The following ZMYND11 variants were observed in gnomAD, a reference collection of about 807,000 sequenced individuals.
ZMYND11 encodes zinc finger MYND-type containing 11, also known as zinc finger MYND domain-containing protein 11.
A neutral mutation model predicts 84.9 loss-of-function variants in ZMYND11; 9 were observed. That is an observed-to-expected ratio of 0.11 (90% CI 0.06 to 0.18). The LOEUF (loss-of-function observed/expected upper bound fraction) is 0.18. ZMYND11 is among the 10% of genes least tolerant of loss of function. The pLI is 1.00. For synonymous variants in ZMYND11, 250 were observed against 244.1 expected, an observed-to-expected ratio of 1.02 and a Z score of -0.23; for missense variants, 409 against 761.0, an observed-to-expected ratio of 0.54 and a Z score of 5.44.
intron 1 of ZMYND11, among the ~76,000 whole-genome samples, chr10:141,110 CTTAATA>C (rs2131136666): frequency 6.6e-6 from 1 of 152,240 alleles, no homozygotes; most frequent in South Asian, 2.1e-4. Flanking sequence ...TTTCTGTAAA[CTTAATA>C]TTTAGGTATA....
intron 2 of ZMYND11, among the ~76,000 whole-genome samples, chr10:206,901 A>T (rs551312342): frequency 1.3e-5 from 2 of 152,010 alleles, no homozygotes; most frequent in East Asian, 1.9e-4. Context: ...TGCAGGTTTC[A>T]TATGTATACA....
intron 1 of ZMYND11, among the ~76,000 whole-genome samples, chr10:142,824 A>T (rs17156179): frequency 0.02 from 3,023 of 152,294 alleles, 94 homozygotes; most frequent in African/African-American, 0.069. Context: ...GTTCTGGTTA[A>T]TGCCAACTCA....
In ZMYND11 at chr10:208,519, G is replaced by A. The variant is rs1588958471; in HGVS notation, c.117-1370G>A. On this transcript the variant is annotated intron_variant, in intron 2 of 14. Coordinates refer to ENST00000381604, the MANE Select transcript of ZMYND11 (RefSeq NM_001370100.5). ...ACACTTCTCAAAAGAAGACGTTTAT[G>A]CAGCCAAAAGACACATGAAAAAATG... 2.0e-5 allele frequency among the ~76,000 whole-genome samples: 3 copies of A among 152,240 alleles called. No homozygotes were observed. In the East Asian group the frequency reaches 5.8e-4, roughly 29 times the overall value.
At chr10:160,649 A>G (rs1195671377) in intron 1 of ZMYND11, among the ~76,000 whole-genome samples, 1 of 152,212 alleles carries the variant, frequency 6.6e-6, no homozygotes, top group African/African-American at 2.4e-5. Context: ...TTTATGGAAT[A>G]TTCTGAAACC....
Position 197,970 on chromosome 10 carries a change from T to A in ZMYND11, c.117-11919T>A, listed in dbSNP as rs1445115754. On this transcript the variant is annotated intron_variant, in intron 2 of 14. Transcript: ENST00000381604. Reference sequence around the variant, plus strand: ...TGATTTTTACATCATTACACAGATATGTCATTTTCATTAGTTGTATCATTG... The same window carrying A: ...TGATTTTTACATCATTACACAGATAAGTCATTTTCATTAGTTGTATCATTG... The A allele has an allele frequency of 4.6e-6, 3 of 656,658 alleles. No homozygotes were observed. The East Asian group carries it at 8.5e-5, about 19-fold the overall frequency. The allele number at this position is 656,658 out of a possible 1,614,324, so 40.7% of individuals were successfully genotyped here.
chr10:213,499 GC>G (rs1218754329), intron 3 of ZMYND11, among the ~76,000 whole-genome samples: 3 of 152,188 alleles, frequency 2.0e-5, no homozygotes, highest in Non-Finnish European at 4.4e-5. Flanking sequence ...GGAAGGGAAG[GC>G]ATAGGATGTT....
intron 2 of ZMYND11, among the ~76,000 whole-genome samples, chr10:196,465 T>G (rs1941774117): frequency 6.6e-6 from 1 of 152,172 alleles, no homozygotes; most frequent in Non-Finnish European, 1.5e-5. Flanking sequence ...AAATGGAAGT[T>G]TTTAAGATGT....
chr10:223,543 T>C (rs1422303798), intron 4 of ZMYND11, among the ~76,000 whole-genome samples: 4 of 152,184 alleles, frequency 2.6e-5, no homozygotes, highest in African/African-American at 9.6e-5. Context: ...AATTTTTCAT[T>C]CATTTTATGG....
chr10:179,403 C>G (rs1847361819), intron 1 of ZMYND11, among the ~76,000 whole-genome samples: 1 of 152,086 alleles, frequency 6.6e-6, no homozygotes, highest in Non-Finnish European at 1.5e-5. Flanking sequence ...AAACTTACAC[C>G]TAATCCAAGA....
intron 4 of ZMYND11, among the ~76,000 whole-genome samples, chr10:222,297 T>G (rs974641697): frequency 6.6e-6 from 1 of 152,208 alleles, no homozygotes; most frequent in Admixed American, 6.5e-5. Flanking sequence ...CAGTATATGT[T>G]CTAGTCTTCT....
upstream of ZMYND11, chr10:134,730 C>G (rs1405965503): frequency 1.3e-5 from 2 of 152,698 alleles, no homozygotes; most frequent in African/African-American, 4.8e-5. Flanking sequence ...CGGCGCCTGA[C>G]AATGCCCCCT....
chr10:216,108 T>G (rs948562393), intron 3 of ZMYND11, among the ~76,000 whole-genome samples: 5 of 152,194 alleles, frequency 3.3e-5, no homozygotes, highest in Non-Finnish European at 7.4e-5. Flanking sequence ...ATATTTCTCT[T>G]GAAATTTAGC....
At chr10:228,940 G>C (rs985953777) in intron 4 of ZMYND11, among the ~76,000 whole-genome samples, 3 of 152,054 alleles carry the variant, frequency 2.0e-5, no homozygotes, top group Non-Finnish European at 4.4e-5. Context: ...ATTTTAGCAG[G>C]TGTGTGTGTG....
rs755684745 is a variant in ZMYND11 at position 242,156 on chromosome 10, T to C, written c.950+17T>C. 1 of 1,613,946 alleles carries C rather than the reference T, an allele frequency of 6.2e-7. No homozygotes were observed. The highest frequency in any genetic ancestry group is 8.5e-7 in the Non-Finnish European group (1 of 1,179,882). On this transcript the variant is annotated intron_variant, in intron 10 of 14. Coordinates refer to ENST00000381604, the MANE Select transcript of ZMYND11 (RefSeq NM_001370100.5). ...CCACCAGAGGTAATTTGTGATCCCATGTTCAGCGGTCACAGCTGTGCTTAT... is the reference window on the plus strand; with the variant it reads ...CCACCAGAGGTAATTTGTGATCCCACGTTCAGCGGTCACAGCTGTGCTTAT...
chr10:185,904 A>C (rs927869015), intron 2 of ZMYND11, among the ~76,000 whole-genome samples: 10 of 152,298 alleles, frequency 6.6e-5, no homozygotes, highest in East Asian at 5.8e-4. Flanking sequence ...CCAAAAGCAA[A>C]TAATTCCTTC....
At chr10:251,356 ACT>A (rs1247419956) in intron 14 of ZMYND11, among the ~76,000 whole-genome samples, 1 of 152,048 alleles carries the variant, frequency 6.6e-6, no homozygotes, top group Non-Finnish European at 1.5e-5. Context: ...TCCAAAACTG[ACT>A]CTGCACCTAA....
chr10:212,535 CAG>C (rs1346062993), intron 3 of ZMYND11, among the ~76,000 whole-genome samples: 1 of 150,728 alleles, frequency 6.6e-6, no homozygotes, highest in Non-Finnish European at 1.5e-5. Context: ...CACAAATAAA[CAG>C]GGGTTTCAGA....
At chr10:151,670 A>G (rs901495910) in intron 1 of ZMYND11, among the ~76,000 whole-genome samples, 5 of 152,216 alleles carry the variant, frequency 3.3e-5, no homozygotes, top group African/African-American at 1.2e-4. Context: ...AGCTTCCCCA[A>G]CCTAGCAAGG....
chr10:238,427 G>C (rs1358360244), intron 6 of ZMYND11, among the ~76,000 whole-genome samples: 4 of 151,922 alleles, frequency 2.6e-5, no homozygotes, highest in African/African-American at 9.7e-5. Context: ...TGTGATCTTG[G>C]CTCACTGCAA....
Sources: allele counts gnomAD v4.1 joint callset (sites outside exome capture counted in the v4.1 genomes callset), GRCh38; gene constraint gnomAD v4.1.1; transcripts MANE v1.5; gene names NCBI Gene and HGNC (gene_info 2026-07-23, HGNC 2026-07-21).